The following NDUFAF2 variants were observed in gnomAD, a reference collection of about 807,000 sequenced individuals.
NDUFAF2 encodes NADH:ubiquinone oxidoreductase complex assembly factor 2.
NDUFAF2 carries 13 observed loss-of-function variants against 22.8 expected under a neutral mutation model. The ratio of observed to expected loss-of-function variants is 0.57; its 90% CI spans 0.37 to 0.91. NDUFAF2 has a LOEUF of 0.91. NDUFAF2 is among the 40% of genes least tolerant of loss of function. NDUFAF2 has a pLI of 0.01. For missense variants in NDUFAF2, 162 were observed against 195.2 expected, an observed-to-expected ratio of 0.83 and a Z score of 1.01; for synonymous variants, 53 against 64.2, an observed-to-expected ratio of 0.83 and a Z score of 0.84.
chr5:61,015,997 C>A (rs1751504043), intron 1 of NDUFAF2, among the ~76,000 whole-genome samples: 1 of 151,990 alleles, frequency 6.6e-6, no homozygotes, highest in Non-Finnish European at 1.5e-5. Context: ...ACCATCCTGG[C>A]CAACATGGTG....
At chr5:61,062,160 A>C (rs945262180) in intron 1 of NDUFAF2, among the ~76,000 whole-genome samples, 1 of 152,182 alleles carries the variant, frequency 6.6e-6, no homozygotes, top group African/African-American at 2.4e-5. Flanking sequence ...ATGGAAAAGC[A>C]AGGAAATATG....
chr5:60,978,337 A>G (rs1418770894), intron 1 of NDUFAF2, among the ~76,000 whole-genome samples: 1 of 152,210 alleles, frequency 6.6e-6, no homozygotes, highest in Non-Finnish European at 1.5e-5. Flanking sequence ...ACTGCTATAA[A>G]GAAATACCTG....
intron 1 of NDUFAF2, among the ~76,000 whole-genome samples, chr5:61,038,985 A>G (rs993770149): frequency 6.6e-6 from 1 of 151,906 alleles, no homozygotes; most frequent in Admixed American, 6.6e-5. Context: ...CTTCTTCATT[A>G]TTACTTGCTA....
chr5:61,016,250 CAT>C lies in NDUFAF2; in HGVS notation c.128-56868_128-56867del, dbSNP rs200895614. Among the ~76,000 whole-genome samples the C allele has an allele frequency of 7.4e-3, 1,129 of 151,986 alleles. 14 individuals are homozygous for C. The highest frequency in any genetic ancestry group is 0.026 in the African/African-American group (1,057 of 41,444). ...TTGGGATTTAAAAGTATTATAGACA[CAT>C]ATATATTTGGCACCCTTTTTATATA... On this transcript the variant is annotated intron_variant, in intron 1 of 3. Coordinates refer to ENST00000296597, the MANE Select transcript of NDUFAF2 (RefSeq NM_174889.5).
intron 3 of NDUFAF2, among the ~76,000 whole-genome samples, chr5:61,138,799 A>C (rs1159282875): frequency 6.6e-6 from 1 of 152,204 alleles, no homozygotes; most frequent in Non-Finnish European, 1.5e-5. Context: ...AAGTAGTAGA[A>C]GGAAAATATG....
chr5:61,133,401 A>G lies in NDUFAF2; in HGVS notation c.259-19303A>G, dbSNP rs530184255. On this transcript the variant is annotated intron_variant, in intron 3 of 3. Transcript: ENST00000296597. ...ACATACTTGGTGATTGATAGGTGGC[A>G]GGTACACAAAGAAAAATAGAGAAAT... Among the ~76,000 whole-genome samples the G allele has an allele frequency of 3.3e-5, 5 of 152,350 alleles. No individual in the cohort carries two copies. In the East Asian group the frequency reaches 9.6e-4, roughly 29 times the overall value.
At chr5:60,999,415 C>A (rs1171703362) in intron 1 of NDUFAF2, among the ~76,000 whole-genome samples, 1 of 152,040 alleles carries the variant, frequency 6.6e-6, no homozygotes, top group Non-Finnish European at 1.5e-5. Flanking sequence ...TTTATACTTG[C>A]TGCCACATGG....
At chr5:61,150,438 A>G (rs926655773) in intron 3 of NDUFAF2, among the ~76,000 whole-genome samples, 1 of 152,174 alleles carries the variant, frequency 6.6e-6, no homozygotes, top group African/African-American at 2.4e-5. Context: ...AATAATTAAT[A>G]TATTCAGATT....
chr5:61,023,562 C>T (rs566631281), intron 1 of NDUFAF2, among the ~76,000 whole-genome samples: 2 of 152,254 alleles, frequency 1.3e-5, no homozygotes, highest in East Asian at 3.9e-4. Flanking sequence ...TTTACATCTA[C>T]ATCTTTTGGT....
chr5:60,948,627 C>T (rs1289948792), intron 1 of NDUFAF2, among the ~76,000 whole-genome samples: 1 of 150,280 alleles, frequency 6.7e-6, no homozygotes, highest in African/African-American at 2.4e-5. Flanking sequence ...TTGTGTTTAT[C>T]AGTAGTTTAT....
At chr5:61,049,873 G>A (rs1447686940) in intron 1 of NDUFAF2, among the ~76,000 whole-genome samples, 1 of 129,662 alleles carries the variant, frequency 7.7e-6, no homozygotes, top group African/African-American at 3.1e-5. Flanking sequence ...CACAAATTAT[G>A]CAATTTAAAT....
chr5:61,099,136 C>T, intron 3 of NDUFAF2, 104 bp downstream of exon 3: 1 of 631,106 alleles, frequency 1.6e-6, no homozygotes, highest in South Asian at 3.5e-5. Flanking sequence ...TGATTTTATT[C>T]CATCACAGAA....
intron 1 of NDUFAF2, among the ~76,000 whole-genome samples, chr5:60,996,383 C>T (rs1018948049): frequency 2.0e-5 from 3 of 152,108 alleles, no homozygotes; most frequent in African/African-American, 4.8e-5. Context: ...CTGACCATTG[C>T]GCAGTCTTGC....
At chr5:60,955,915 CTTTG>C (rs1272117864) in intron 1 of NDUFAF2, among the ~76,000 whole-genome samples, 39 of 133,616 alleles carry the variant, frequency 2.9e-4, no homozygotes, top group Middle Eastern at 4.1e-3. Flanking sequence ...TGTATGTTGA[CTTTG>C]TTTTTTTTTT....
At chr5:60,964,820 A>G (rs1750733978) in intron 1 of NDUFAF2, among the ~76,000 whole-genome samples, 1 of 152,136 alleles carries the variant, frequency 6.6e-6, no homozygotes, top group Non-Finnish European at 1.5e-5. Flanking sequence ...CTGTCAAAGA[A>G]TGTTCATATC....
intron 1 of NDUFAF2, among the ~76,000 whole-genome samples, chr5:61,052,589 C>T (rs561479076): frequency 2.6e-5 from 4 of 152,112 alleles, no homozygotes; most frequent in Middle Eastern, 3.2e-3. Context: ...GGATTATAGG[C>T]GTGAACCACT....
chr5:61,079,095 A>G (rs1752407329), intron 2 of NDUFAF2, among the ~76,000 whole-genome samples: 1 of 152,206 alleles, frequency 6.6e-6, no homozygotes, highest in Non-Finnish European at 1.5e-5. Flanking sequence ...ATACTCATTA[A>G]AATAGAAGAT....
At chr5:60,983,405 T>C (rs1310958253) in intron 1 of NDUFAF2, among the ~76,000 whole-genome samples, 14 of 94,188 alleles carry the variant, frequency 1.5e-4, no homozygotes, top group Non-Finnish European at 2.7e-4. Flanking sequence ...TTTAGTTTAA[T>C]TAGATCCCAT....
chr5:61,128,756 A>G (rs1370797238), intron 3 of NDUFAF2, among the ~76,000 whole-genome samples: 2 of 152,234 alleles, frequency 1.3e-5, no homozygotes, highest in African/African-American at 4.8e-5. Flanking sequence ...CCTCATGTCT[A>G]AAACACAAAA....
Sources: allele counts gnomAD v4.1 joint callset (sites outside exome capture counted in the v4.1 genomes callset), GRCh38; gene constraint gnomAD v4.1.1; transcripts MANE v1.5; gene names NCBI Gene and HGNC (gene_info 2026-07-23, HGNC 2026-07-21).